OSBP: variants seen among roughly 807,000 people sequenced by gnomAD.
The protein encoded by OSBP is oxysterol binding protein, also known as oxysterol-binding protein 1.
A neutral mutation model predicts 96.6 loss-of-function variants in OSBP; 32 were observed. That is an observed-to-expected ratio of 0.33 (90% CI 0.25 to 0.45). OSBP has a LOEUF of 0.45. Ranked by LOEUF, OSBP falls within the 20% of genes least tolerant of loss-of-function variation. The probability of loss-of-function intolerance (pLI) is 1.00; values close to 1 mark genes in which losing one functional copy is unlikely to be tolerated. For synonymous variants in OSBP, 369 were observed against 389.6 expected (o/e 0.95, Z 0.62); for missense variants, 653 against 1,029.7 (o/e 0.63, Z 5.01).
intron 7 of OSBP, among the ~76,000 whole-genome samples, chr11:59,596,708 G>A (rs558370100): frequency 6.6e-6 from 1 of 151,958 alleles, no homozygotes; most frequent in African/African-American, 2.4e-5. Context: ...CAAGAGAGGA[G>A]GATCAGGAGA....
chr11:59,602,799 T>C (rs1860738693), intron 3 of OSBP, among the ~76,000 whole-genome samples: 1 of 152,166 alleles, frequency 6.6e-6, no homozygotes. Context: ...TTTTTGTATT[T>C]TGTAGAGATG....
chr11:59,576,952 G>A lies in OSBP; in HGVS notation c.2134C>T (p.Pro712Ser), dbSNP rs200625839. 69 of 1,614,140 alleles carry A rather than the reference G, an allele frequency of 4.3e-5. No individual in the cohort carries two copies. The East Asian group carries it at 1.5e-3, about 35-fold the overall frequency. ...TCAGGTCGTAACCGGCTGTCTGTGGGGGCAGTGCCACTTTCCCAAGCATTG... is the reference window on the plus strand; with the variant it reads ...TCAGGTCGTAACCGGCTGTCTGTGGAGGCAGTGCCACTTTCCCAAGCATTG... ...TLNAWESGTA[P>S]TDSRLRPDQR... The change falls in exon 13 of 14, where the codon CCC becomes TCC. Residue 712 changes from proline (P) to serine (S), a missense_variant. Physicochemically the swap from Pro to Ser is moderately conservative, Grantham distance 74. This residue lies in a region of OSBP where 169 missense variants were observed against 251.5 expected (regional missense o/e 0.67). Transcript: ENST00000263847.
intron 9 of OSBP, among the ~76,000 whole-genome samples, chr11:59,589,839 T>G (rs1311598666): frequency 6.6e-6 from 1 of 151,834 alleles, no homozygotes; most frequent in Non-Finnish European, 1.5e-5. Context: ...AAAAATTAGC[T>G]GGGTGCGGTG....
At chr11:59,610,868 G>A (rs1394392693) in intron 1 of OSBP, among the ~76,000 whole-genome samples, 6 of 148,852 alleles carry the variant, frequency 4.0e-5, no homozygotes, top group Middle Eastern at 3.5e-3. Flanking sequence ...TTTACAGGCC[G>A]GGCACCCGTA....
chr11:59,585,168 C>T (rs1860480687), intron 9 of OSBP, among the ~76,000 whole-genome samples: 1 of 151,118 alleles, frequency 6.6e-6, no homozygotes, highest in Non-Finnish European at 1.5e-5. Flanking sequence ...TCTGCCCGGC[C>T]GCCATCCCAT....
Position 59,615,762 on chromosome 11 carries a change from G to T in OSBP, c.-98C>A. On this transcript the variant is annotated 5_prime_UTR_variant, in exon 1 of 14. Coordinates refer to ENST00000263847, the MANE Select transcript of OSBP (RefSeq NM_002556.3). ...CACGGCTACCGCATCAGCCACCGCC[G>T]CGCAGCGTCCCCGCCCCGCCCGGCC... 10 of 1,216,098 alleles carry T rather than the reference G, an allele frequency of 8.2e-6. No homozygotes were observed. Among genetic ancestry groups the T allele is most frequent in the Non-Finnish European group, 1.0e-5 (10 of 975,762 alleles). The allele number at this position is 1,216,098 out of a possible 1,614,324, so 75.3% of individuals were successfully genotyped here. A position where few individuals can be genotyped will look rare whatever the true frequency, so the allele number is the denominator to read the frequency against.
chr11:59,599,510 G>A (rs375255452), intron 7 of OSBP, among the ~76,000 whole-genome samples: 8 of 151,936 alleles, frequency 5.3e-5, no homozygotes, highest in East Asian at 3.9e-4. Context: ...GAAAACTAGC[G>A]CAACATCAGG....
chr11:59,585,271 AC>A (rs1860482972), intron 9 of OSBP, among the ~76,000 whole-genome samples: 2 of 144,112 alleles, frequency 1.4e-5, no homozygotes, highest in Non-Finnish European at 3.0e-5. Context: ...AGATGTGGGG[AC>A]CGCCTCTGCC....
intron 4 of OSBP, 81 bp from the exon 5 acceptor site, chr11:59,601,466 C>T (rs1860723604): frequency 8.1e-7 from 1 of 1,227,122 alleles, no homozygotes; most frequent in African/African-American, 1.5e-5. Flanking sequence ...TAAATACTAA[C>T]CACAAACACA....
At chr11:59,614,545 G>A (rs976754393) in intron 1 of OSBP, among the ~76,000 whole-genome samples, 2 of 152,166 alleles carry the variant, frequency 1.3e-5, no homozygotes, top group African/African-American at 4.8e-5. Context: ...TTGAACAGAA[G>A]TAATCACACC....
chr11:59,585,282 C>T (rs1042437944), intron 9 of OSBP, among the ~76,000 whole-genome samples: 7 of 151,852 alleles, frequency 4.6e-5, no homozygotes, highest in Non-Finnish European at 5.9e-5. Context: ...CCGCCTCTGC[C>T]CTGCCGCCCC....
chr11:59,590,888 C>G (rs998850803), intron 9 of OSBP, among the ~76,000 whole-genome samples: 1 of 152,198 alleles, frequency 6.6e-6, no homozygotes, highest in Non-Finnish European at 1.5e-5. Flanking sequence ...CCTAGAAATT[C>G]CATTCTTTAG....
chr11:59,600,681 T>C, intron 6 of OSBP, 54 bp from the exon 7 acceptor site: 2 of 1,592,326 alleles, frequency 1.3e-6, no homozygotes, highest in Non-Finnish European at 1.7e-6. Flanking sequence ...AAACCTGGTA[T>C]TTATAACCTT....
intron 10 of OSBP, 58 bp from the exon 11 acceptor site, chr11:59,580,327 C>T (rs951416664): frequency 3.8e-6 from 4 of 1,046,150 alleles, no homozygotes; most frequent in African/African-American, 1.6e-5. Flanking sequence ...GTCTGCCAAA[C>T]CCATGGTTCA....
At chr11:59,583,640 T>TTG (rs1860452546) in intron 9 of OSBP, among the ~76,000 whole-genome samples, 1 of 134,038 alleles carries the variant, frequency 7.5e-6, no homozygotes, top group Non-Finnish European at 1.6e-5. Context: ...CTCTGTTTTT[T>TTG]TTTTTTTTTT....
chr11:59,598,060 G>A (rs2134667256), intron 7 of OSBP, among the ~76,000 whole-genome samples: 1 of 152,274 alleles, frequency 6.6e-6, no homozygotes, highest in East Asian at 1.9e-4. Flanking sequence ...GACTGGTCTT[G>A]AAGTCTTGGA....
At chr11:59,585,927 G>C (rs985409363) in intron 9 of OSBP, among the ~76,000 whole-genome samples, 2 of 152,068 alleles carry the variant, frequency 1.3e-5, no homozygotes, top group Admixed American at 6.6e-5. Context: ...TGGATTAAGG[G>C]CGGTGCAAGA....
chr11:59,588,918 T>A (rs573431744), intron 9 of OSBP, among the ~76,000 whole-genome samples: 1 of 151,748 alleles, frequency 6.6e-6, no homozygotes, highest in Admixed American at 6.6e-5. Flanking sequence ...GGCAGGAGAA[T>A]CAGTTGAACC....
chr11:59,580,131 G>T, intron 11 of OSBP, 43 bp downstream of exon 11: 2 of 1,284,510 alleles, frequency 1.6e-6, no homozygotes, highest in Non-Finnish European at 2.3e-6. Context: ...CTTTCTAAGA[G>T]ATACATGCTA....
Sources: allele counts gnomAD v4.1 joint callset (sites outside exome capture counted in the v4.1 genomes callset), GRCh38; gene constraint gnomAD v4.1.1; regional missense constraint gnomAD v4.1.1; transcripts MANE v1.5; gene names NCBI Gene and HGNC (gene_info 2026-07-23, HGNC 2026-07-21).